CHIC1: variants seen among roughly 807,000 people sequenced by gnomAD.
The protein encoded by CHIC1 is cysteine-rich hydrophobic domain-containing protein 1.
A neutral mutation model predicts 18.5 loss-of-function variants in CHIC1; 7 were observed. The observed-to-expected ratio is 0.38, with a 90% CI of 0.22 to 0.71. The LOEUF (loss-of-function observed/expected upper bound fraction) is 0.71. CHIC1 is among the 30% of genes least tolerant of loss of function. The probability of loss-of-function intolerance (pLI) is 0.49; values close to 1 mark genes in which losing one functional copy is unlikely to be tolerated. For synonymous variants in CHIC1, 77 were observed against 73.5 expected (o/e 1.05, Z -0.25); for missense variants, 159 against 176.9 (o/e 0.90, Z 0.57).
rs745886726 is a variant in CHIC1 at position 73,673,489 on chromosome X, T to C, written c.508-5837T>C. Among the ~76,000 whole-genome samples the C allele has an allele frequency of 2.7e-5, 3 of 111,864 alleles. No individual in the cohort carries two copies. The Admixed American group carries it at 2.8e-4, about 11-fold the overall frequency. ...TTCCCTTGTAAGTTGGATTCCTAGG[T>C]ATTTTATTCTCTTTGAAGCAATTGT... is the stretch of plus-strand genomic sequence containing the variant. On this transcript the variant is annotated intron_variant, in intron 3 of 5. Transcript: ENST00000373502.
rs750730256 is a variant in CHIC1 at position 73,615,393 on chromosome X, G to T, written c.507+30821G>T. Among the ~76,000 whole-genome samples, 15 of 111,777 alleles carry T rather than the reference G, an allele frequency of 1.3e-4. No individual in the cohort carries two copies. In the South Asian group the frequency reaches 5.3e-3, roughly 40 times the overall value. On this transcript the variant is annotated intron_variant, in intron 3 of 5. Coordinates refer to ENST00000373502, the MANE Select transcript of CHIC1 (RefSeq NM_001039840.4). ...GGTTGGGTGGACAGGATCTTGGGGGGTAGTGGACGTGGCAAAGACAATGGC... is the reference window on the plus strand; with the variant it reads ...GGTTGGGTGGACAGGATCTTGGGGGTTAGTGGACGTGGCAAAGACAATGGC...
In CHIC1 at chrX:73,685,799, C is replaced by T. The variant is rs895028758; in HGVS notation, c.*4794C>T. ...CAGGTCCTACAGAATGACTATTGCACTTGGTCTATTGTTTTAATAGTAAAT... is the reference window on the plus strand; with the variant it reads ...CAGGTCCTACAGAATGACTATTGCATTTGGTCTATTGTTTTAATAGTAAAT... On this transcript the variant is annotated 3_prime_UTR_variant, in exon 6 of 6. Transcript: ENST00000373502. The T allele has an allele frequency of 2.7e-5, 3 of 111,290 alleles. No homozygotes were observed. The highest frequency in any genetic ancestry group is 9.8e-5 in the African/African-American group (3 of 30,688). The allele number at this position is 111,290 out of a possible 1,213,427, so 9.2% of individuals were successfully genotyped here. A position where few individuals can be genotyped will look rare whatever the true frequency, so the allele number is the denominator to read the frequency against.
intron 3 of CHIC1, among the ~76,000 whole-genome samples, chrX:73,641,883 G>A (rs1159298892): frequency 1.8e-5 from 2 of 111,797 alleles, no homozygotes; most frequent in Non-Finnish European, 3.8e-5. Flanking sequence ...ATTCCATGGT[G>A]TATATGTGCC....
intron 3 of CHIC1, among the ~76,000 whole-genome samples, chrX:73,676,091 C>T (rs762078243): frequency 5.1e-4 from 57 of 111,526 alleles, no homozygotes; most frequent in African/African-American, 9.4e-4. Context: ...GAGTTTCTGC[C>T]GAGAGATCTG....
intron 3 of CHIC1, among the ~76,000 whole-genome samples, chrX:73,650,344 C>T (rs1216325250): frequency 9.0e-6 from 1 of 110,720 alleles, no homozygotes; most frequent in Non-Finnish European, 1.9e-5. Flanking sequence ...CAGAGCAGAA[C>T]TGAAGGAGAT....
intron 3 of CHIC1, among the ~76,000 whole-genome samples, chrX:73,606,611 C>G (rs2057684787): frequency 9.2e-6 from 1 of 108,300 alleles, no homozygotes; most frequent in African/African-American, 3.6e-5. Flanking sequence ...TTTTTCTCAT[C>G]TTCATGGATT....
intron 1 of CHIC1, among the ~76,000 whole-genome samples, chrX:73,573,823 C>A (rs761545849): frequency 9.0e-6 from 1 of 110,883 alleles, no homozygotes; most frequent in African/African-American, 3.3e-5. Flanking sequence ...GTTCAAGGAG[C>A]CTTTTGGCAA....
intron 3 of CHIC1, among the ~76,000 whole-genome samples, chrX:73,626,152 T>C (rs919565725): frequency 9.0e-6 from 1 of 111,634 alleles, no homozygotes; most frequent in African/African-American, 3.3e-5. Flanking sequence ...AATAAAAGAA[T>C]GGCTACTCCA....
At chrX:73,626,402 A>G (rs903835622) in intron 3 of CHIC1, among the ~76,000 whole-genome samples, 6 of 110,993 alleles carry the variant, frequency 5.4e-5, no homozygotes, top group Non-Finnish European at 1.1e-4. Flanking sequence ...TTCTGTCTCT[A>G]TCTCCTTTTT....
At chrX:73,660,379 G>T in intron 3 of CHIC1, among the ~76,000 whole-genome samples, 1 of 112,148 alleles carries the variant, frequency 8.9e-6, no homozygotes, top group Non-Finnish European at 1.9e-5. Flanking sequence ...ATTAGAGGCT[G>T]GAAAGGGGGT....
chrX:73,577,417 A>G lies in CHIC1; in HGVS notation c.307A>G (p.Ser103Gly), dbSNP rs1188245547. ...GTGTTTGTTTTGAAGGTTTGGCTTG[A>G]GCAACAAGTTTGATACTGAATTTCC... ...GAGHITVFGLSNKFDTEFPSV... is the reference protein window; with the variant it reads ...GAGHITVFGLGNKFDTEFPSV... The change falls in exon 2 of 6, where the codon AGC becomes GGC. Residue 103 changes from serine (S) to glycine (G), a missense_variant. Transcript: ENST00000373502. The G allele has an allele frequency of 8.3e-7, 1 of 1,199,244 alleles. No individual in the cohort carries two copies. The highest frequency in any genetic ancestry group is 2.2e-5 in the Admixed American group (1 of 45,709).
At chrX:73,653,712 T>G (rs1211055272) in intron 3 of CHIC1, among the ~76,000 whole-genome samples, 2 of 112,616 alleles carry the variant, frequency 1.8e-5, no homozygotes, top group East Asian at 5.5e-4. Flanking sequence ...TTCCGTGTTT[T>G]TGTGTGTGTG....
intron 3 of CHIC1, among the ~76,000 whole-genome samples, chrX:73,591,118 T>C (rs1275336613): frequency 9.0e-6 from 1 of 111,700 alleles, no homozygotes; most frequent in East Asian, 2.8e-4. Flanking sequence ...GTATTGTGGA[T>C]TTTGGCCATT....
intron 3 of CHIC1, among the ~76,000 whole-genome samples, chrX:73,601,495 A>T (rs1351103239): frequency 9.4e-6 from 1 of 106,616 alleles, no homozygotes; most frequent in South Asian, 4.1e-4. Flanking sequence ...AGAAATAAAG[A>T]TGTTCTTTGA....
At chrX:73,575,413 A>G (rs932586191) in intron 1 of CHIC1, among the ~76,000 whole-genome samples, 2 of 110,000 alleles carry the variant, frequency 1.8e-5, no homozygotes, top group Admixed American at 9.6e-5. Flanking sequence ...TTGTTAGGCA[A>G]TTTTATCATT....
At chrX:73,581,817 A>C (rs2147549324) in intron 2 of CHIC1, among the ~76,000 whole-genome samples, 1 of 111,449 alleles carries the variant, frequency 9.0e-6, no homozygotes, top group South Asian at 3.7e-4. Context: ...TTGGCAGGAA[A>C]GAAGGAAAAT....
intron 3 of CHIC1, among the ~76,000 whole-genome samples, chrX:73,634,202 A>G (rs751626482): frequency 8.9e-6 from 1 of 112,084 alleles, no homozygotes; most frequent in South Asian, 3.8e-4. Flanking sequence ...ACCTTTACCA[A>G]TGAGCCTAGG....
intron 3 of CHIC1, among the ~76,000 whole-genome samples, chrX:73,633,826 G>T (rs761240666): frequency 1.8e-5 from 2 of 110,197 alleles, no homozygotes; most frequent in African/African-American, 6.6e-5. Context: ...GACATTGGTG[G>T]TCTTTATTGA....
intron 3 of CHIC1, among the ~76,000 whole-genome samples, chrX:73,640,263 C>G (rs186105929): frequency 9.0e-6 from 1 of 111,688 alleles, no homozygotes; most frequent in Non-Finnish European, 1.9e-5. Flanking sequence ...TTTGTGAAAG[C>G]GTTTTCTGCA....
Sources: gnomAD v4.1 joint callset for allele counts (sites outside exome capture counted in the v4.1 genomes callset) on GRCh38, gnomAD v4.1.1 for gene constraint, MANE v1.5 for transcripts, NCBI Gene and HGNC (gene_info 2026-07-23, HGNC 2026-07-21) for gene names.